The following PRUNE2 variants were observed in gnomAD, a reference collection of about 807,000 sequenced individuals.
PRUNE2 encodes the protein protein prune homolog 2.
In PRUNE2, 164 loss-of-function variants were observed where a neutral mutation model predicts 252.0. That is an observed-to-expected ratio of 0.65 (90% CI 0.57 to 0.74). The LOEUF (loss-of-function observed/expected upper bound fraction) is 0.74, where lower values mean the gene tolerates loss of function less well. Among genes scored for constraint, PRUNE2 ranks in the 30% least tolerant of loss-of-function variants. PRUNE2 has a pLI of 0.00. For synonymous variants in PRUNE2, 1,292 were observed against 1,350.2 expected (o/e 0.96, Z 0.94); for missense variants, 3,495 against 3,711.0 (o/e 0.94, Z 1.51).
At chr9:76,716,547 C>T (rs1409644826) in intron 6 of PRUNE2, among the ~76,000 whole-genome samples, 1 of 152,172 alleles carries the variant, frequency 6.6e-6, no homozygotes, top group Non-Finnish European at 1.5e-5. Flanking sequence ...CATAAAAGTC[C>T]CCTTAGGGTG....
chr9:76,878,129 C>T (rs1486690123), intron 1 of PRUNE2, among the ~76,000 whole-genome samples: 3 of 152,184 alleles, frequency 2.0e-5, no homozygotes, highest in Non-Finnish European at 4.4e-5. Flanking sequence ...GTCCTTGAGG[C>T]CACTGCAGAG....
At chr9:76,752,106 T>G (rs56935665) in intron 6 of PRUNE2, among the ~76,000 whole-genome samples, 56 of 149,622 alleles carry the variant, frequency 3.7e-4, no homozygotes, top group Non-Finnish European at 5.9e-4. Flanking sequence ...GGTTTTTTTT[T>G]TTTTTTTTTG....
At chr9:76,679,147 C>T (rs182070459) in intron 9 of PRUNE2, among the ~76,000 whole-genome samples, 1 of 152,282 alleles carries the variant, frequency 6.6e-6, no homozygotes, top group East Asian at 1.9e-4. Context: ...ACACTACTTA[C>T]TTAGAAAGTT....
At chr9:76,822,094 C>A (rs2058066899) in intron 6 of PRUNE2, among the ~76,000 whole-genome samples, 2 of 152,132 alleles carry the variant, frequency 1.3e-5, no homozygotes, top group Admixed American at 1.3e-4. Context: ...CTTGCAAGAT[C>A]CATGTTTTCC....
In PRUNE2 at chr9:76,871,366, G is replaced by A. The variant is rs934549996; in HGVS notation, c.37-17158C>T. On this transcript the variant is annotated intron_variant, in intron 1 of 18. Transcript: ENST00000376718. ...TAATGTATACAGGAGGAAGCATGTC[G>A]GTTATATGCAAATACTATTTCATTT... 1.1e-4 allele frequency among the ~76,000 whole-genome samples: 17 copies of A among 152,172 alleles called. 1 individual carries two copies. Among genetic ancestry groups the A allele is most frequent in the Admixed American group, 5.2e-4 (8 of 15,284 alleles).
chr9:76,724,685 G>C (rs2047954670), intron 6 of PRUNE2, among the ~76,000 whole-genome samples: 1 of 152,124 alleles, frequency 6.6e-6, no homozygotes, highest in South Asian at 2.1e-4. Context: ...TTGAATACTT[G>C]AATGGGGGAG....
chr9:76,772,374 C>T (rs2053209502), intron 6 of PRUNE2, among the ~76,000 whole-genome samples: 1 of 151,902 alleles, frequency 6.6e-6, no homozygotes, highest in South Asian at 2.1e-4. Flanking sequence ...ATTTTGGGGG[C>T]TATGCAACCA....
intron 6 of PRUNE2, 49 bp from the exon 7 acceptor site, chr9:76,713,770 C>A: frequency 7.2e-7 from 1 of 1,389,132 alleles, no homozygotes. Flanking sequence ...TGCCCAGCTG[C>A]GGGGAGTTGT....
Position 76,906,095 on chromosome 9 carries a change from C to G in PRUNE2, c.-132G>C, listed in dbSNP as rs115277052. 1,903 of 971,024 alleles carry G rather than the reference C, an allele frequency of 2.0e-3. 26 individuals carry two copies. The African/African-American group carries it at 0.026, about 14-fold the overall frequency. 60.2% of individuals were successfully genotyped at this position (971,024 alleles called of 1,614,324 possible). ...CGACCGACTGCTCCCTCCTGCCGCT[C>G]TGAGGCGGCTGCGGCGGAGGCTGTG... On this transcript the variant is annotated 5_prime_UTR_variant, in exon 1 of 19. Coordinates refer to ENST00000376718, the MANE Select transcript of PRUNE2 (RefSeq NM_015225.3).
rs200649118 is a variant in PRUNE2, at chr9:76,710,674, C to T, written c.1600G>A (p.Ala534Thr). 6.5e-5 allele frequency: 105 copies of T among 1,611,700 alleles called. No homozygotes were observed. The African/African-American group carries it at 8.9e-4, about 14-fold the overall frequency. ...NSDLSEGQLP[A>T]GPEGLDGMGT... ...ATGCCATCAAGTCCTTCAGGCCCAG[C>T]GGGGAGCTGTCCTTCTGACAGGTCA... The change falls in exon 8 of 19, where the codon GCT (alanine) becomes ACT (threonine). Residue 534 changes from alanine (A) to threonine (T), a missense_variant. Coordinates refer to ENST00000376718, the MANE Select transcript of PRUNE2 (RefSeq NM_015225.3).
At chr9:76,807,415 G>C (rs2057045893) in intron 6 of PRUNE2, among the ~76,000 whole-genome samples, 1 of 151,920 alleles carries the variant, frequency 6.6e-6, no homozygotes, top group South Asian at 2.1e-4. Context: ...GTCAAGGAAG[G>C]GTCAGCAATT....
At chr9:76,756,894 G>T (rs1006751113) in intron 6 of PRUNE2, among the ~76,000 whole-genome samples, 4 of 117,360 alleles carry the variant, frequency 3.4e-5, no homozygotes, top group Admixed American at 1.1e-4. Context: ...CAGCATTTTT[G>T]GGGGGCTGGA....
At chr9:76,713,908 TTTG>T (rs1050743940) in intron 6 of PRUNE2, among the ~76,000 whole-genome samples, 187 bp from the exon 7 acceptor site, 13 of 152,228 alleles carry the variant, frequency 8.5e-5, no homozygotes, top group Non-Finnish European at 1.9e-4. Flanking sequence ...ACTTTGCTTG[TTTG>T]TTTTCCCAAA....
At chr9:76,627,186 C>T (rs569416509) in intron 16 of PRUNE2, among the ~76,000 whole-genome samples, 26 of 151,542 alleles carry the variant, frequency 1.7e-4, no homozygotes, top group African/African-American at 5.6e-4. Context: ...CTGCAATTTC[C>T]GCCTCCCAGG....
Position 76,710,895 on chromosome 9 carries a change from T to C in PRUNE2, c.1379A>G (p.His460Arg), listed in dbSNP as rs908931835. 18 of 1,546,666 alleles carry C rather than the reference T, an allele frequency of 1.2e-5. No homozygotes were observed. Among genetic ancestry groups the C allele is most frequent in the Non-Finnish European group, 1.6e-5 (18 of 1,148,148 alleles). The change falls in exon 8 of 19, where the codon CAC becomes CGC. Residue 460 changes from histidine to arginine, a missense_variant. By Grantham distance (29) the His-to-Arg change is conservative (BLOSUM62 0). Coordinates refer to ENST00000376718, the MANE Select transcript of PRUNE2 (RefSeq NM_015225.3). ...GGAGTCAAGCCCTGGGAGAAGGGTG[T>C]GGTGAGGCCCAGCACCTTCTCCCAC... ...SPVGEGAGPH[H>R]TLLPGLDSYS...
chr9:76,666,407 T>C (rs1003499462), intron 9 of PRUNE2, among the ~76,000 whole-genome samples: 1 of 152,258 alleles, frequency 6.6e-6, no homozygotes, highest in African/African-American at 2.4e-5. Context: ...TTGGCCACGC[T>C]CCTAGTCCGC....
chr9:76,736,432 T>C (rs967626182), intron 6 of PRUNE2: 7 of 152,244 alleles, frequency 4.6e-5, no homozygotes, highest in African/African-American at 1.7e-4. Flanking sequence ...TGTTAGTCCA[T>C]TCAGGTTGCA....
chr9:76,711,167 T>C lies in PRUNE2; in HGVS notation c.1107A>G (p.Thr369=). 6.2e-7 allele frequency: 1 copy of C among 1,613,982 alleles called. No individual in the cohort carries two copies. The highest frequency in any genetic ancestry group is 8.5e-7 in the Non-Finnish European group (1 of 1,179,862). ...EMVSNSRTSS[T]EAVAGSAPLS... Reference sequence around the variant, plus strand: ...GGGGGGCACTGCCTGCCACGGCTTCTGTTGAGGATGTCCGGCTATTGGAGA... The same window carrying C: ...GGGGGGCACTGCCTGCCACGGCTTCCGTTGAGGATGTCCGGCTATTGGAGA... Residue 369 remains threonine (T), a synonymous_variant, in exon 8 of 19, where the codon ACA becomes ACG. Coordinates refer to ENST00000376718, the MANE Select transcript of PRUNE2 (RefSeq NM_015225.3).
chr9:76,863,599 T>C (rs930472278), intron 1 of PRUNE2, among the ~76,000 whole-genome samples: 2 of 152,246 alleles, frequency 1.3e-5, no homozygotes, highest in African/African-American at 4.8e-5. Context: ...AAGTATGCAA[T>C]AAGCATGCAT....
Sources: allele counts gnomAD v4.1 joint callset (sites outside exome capture counted in the v4.1 genomes callset), GRCh38; gene constraint gnomAD v4.1.1; transcripts MANE v1.5; gene names NCBI Gene and HGNC (gene_info 2026-07-23, HGNC 2026-07-21).